Variants in TCF7L2 observed in about 807,000 individuals in gnomAD.
The protein encoded by TCF7L2 is transcription factor 7-like 2.
TCF7L2 carries 23 observed loss-of-function variants against 77.9 expected under a neutral mutation model. That is an observed-to-expected ratio of 0.30 (90% CI 0.21 to 0.42). TCF7L2 has a LOEUF of 0.42. Ranked by LOEUF, TCF7L2 falls within the 10% of genes least tolerant of loss-of-function variation. TCF7L2 has a pLI of 1.00. For synonymous variants in TCF7L2, 413 were observed against 340.2 expected (o/e 1.21, Z -2.36); for missense variants, 654 against 793.1 (o/e 0.82, Z 2.11).
chr10:113,155,838 T>TC (rs915262156), intron 11 of TCF7L2, among the ~76,000 whole-genome samples: 2 of 152,136 alleles, frequency 1.3e-5, no homozygotes, highest in Non-Finnish European at 2.9e-5. Context: ...ATGGAGATGG[T>TC]CCATTGCAGG....
intron 8 of TCF7L2, among the ~76,000 whole-genome samples, chr10:113,148,983 G>A (rs2070133917): frequency 6.6e-6 from 1 of 152,174 alleles, no homozygotes; most frequent in Non-Finnish European, 1.5e-5. Context: ...CACACATGCA[G>A]TGTTTTTCTC....
At position 113,068,024 on chromosome 10, in the gene TCF7L2, G is replaced by A. The variant is rs534658655; in HGVS notation, c.552+27898G>A. Among the ~76,000 whole-genome samples the A allele has an allele frequency of 2.6e-5, 4 of 152,182 alleles. No individual in the cohort carries two copies. The South Asian group carries it at 8.3e-4, about 32-fold the overall frequency. On this transcript the variant is annotated intron_variant, in intron 5 of 13. Transcript: ENST00000627217. The stretch of plus-strand genomic sequence containing the variant: ...TTTACCTGGGTGCGAGTCTTCTTCC[G>A]TGACACTTAATATAACTTTATGGAC...
intron 5 of TCF7L2, among the ~76,000 whole-genome samples, chr10:113,135,875 G>A (rs1316040639): frequency 6.6e-6 from 1 of 152,174 alleles, no homozygotes; most frequent in Non-Finnish European, 1.5e-5. Flanking sequence ...GTGATTGGTA[G>A]GTGGGAGTTT....
chr10:112,999,129 G>C (rs143511625), intron 4 of TCF7L2, among the ~76,000 whole-genome samples: 20 of 152,244 alleles, frequency 1.3e-4, no homozygotes, highest in African/African-American at 3.4e-4. Context: ...TGATCCTCCT[G>C]CCTCAGCCTC....
intron 5 of TCF7L2, among the ~76,000 whole-genome samples, chr10:113,115,641 T>C (rs1360936920): frequency 6.6e-6 from 1 of 152,164 alleles, no homozygotes; most frequent in African/African-American, 2.4e-5. Context: ...GCTGTTGAAA[T>C]GGAAGGCTGA....
intron 5 of TCF7L2, among the ~76,000 whole-genome samples, chr10:113,076,407 G>A (rs1189667497): frequency 2.6e-5 from 4 of 152,086 alleles, no homozygotes. Context: ...CAAAGTGCTG[G>A]GATTACATGC....
intron 5 of TCF7L2, chr10:113,089,680 C>G: frequency 8.7e-7 from 1 of 1,152,368 alleles, no homozygotes; most frequent in Non-Finnish European, 1.2e-6. Flanking sequence ...ATTTTGGGTG[C>G]CATGATGTCT....
chr10:113,152,524 T>C, intron 11 of TCF7L2, 84 bp downstream of exon 11: 1 of 1,178,508 alleles, frequency 8.5e-7, no homozygotes, highest in Non-Finnish European at 1.2e-6. Context: ...GACCTGCCAC[T>C]TGACTAGGGT....
chr10:113,051,460 T>TA (rs1275618949), intron 5 of TCF7L2, among the ~76,000 whole-genome samples: 3 of 152,220 alleles, frequency 2.0e-5, no homozygotes, highest in African/African-American at 7.2e-5. Flanking sequence ...ATGTTTATAA[T>TA]AAAAAATGAC....
At chr10:112,980,604 C>T (rs1302965232) in intron 4 of TCF7L2, among the ~76,000 whole-genome samples, 2 of 151,860 alleles carry the variant, frequency 1.3e-5, no homozygotes, top group African/African-American at 4.8e-5. Flanking sequence ...AGTTTTTATT[C>T]TGGAATCCAG....
chr10:113,046,419 T>C (rs2053470838), intron 5 of TCF7L2, among the ~76,000 whole-genome samples: 1 of 152,166 alleles, frequency 6.6e-6, no homozygotes, highest in East Asian at 1.9e-4. Context: ...TGGTAGACTG[T>C]TTCTTTTTGG....
At chr10:113,026,846 C>T (rs1211228727) in intron 4 of TCF7L2, among the ~76,000 whole-genome samples, 2 of 152,156 alleles carry the variant, frequency 1.3e-5, no homozygotes, top group African/African-American at 4.8e-5. Context: ...CTATTAATAG[C>T]GCAGACCTTT....
chr10:113,108,116 C>T (rs1258936883), intron 5 of TCF7L2, among the ~76,000 whole-genome samples: 2 of 152,282 alleles, frequency 1.3e-5, no homozygotes, highest in South Asian at 2.1e-4. Context: ...CTTGGCTCTT[C>T]TTAGGGGACA....
chr10:112,961,697 C>G (rs2035274701), intron 3 of TCF7L2, among the ~76,000 whole-genome samples: 1 of 152,166 alleles, frequency 6.6e-6, no homozygotes, highest in South Asian at 2.1e-4. Flanking sequence ...TTGGAAATCT[C>G]TCCAGCGCAA....
At chr10:113,066,423 G>T (rs1297187438) in intron 5 of TCF7L2, among the ~76,000 whole-genome samples, 1 of 151,978 alleles carries the variant, frequency 6.6e-6, no homozygotes, top group Admixed American at 6.5e-5. Context: ...GAGAAAAAGA[G>T]CACGGCTCTC....
intron 5 of TCF7L2, among the ~76,000 whole-genome samples, chr10:113,042,533 T>C (rs1042592104): frequency 6.6e-6 from 1 of 152,168 alleles, no homozygotes; most frequent in Non-Finnish European, 1.5e-5. Context: ...ATGCTTGTCA[T>C]GAATGGTGAC....
chr10:112,979,782 AT>A (rs879719834), intron 4 of TCF7L2, among the ~76,000 whole-genome samples: 13 of 150,542 alleles, frequency 8.6e-5, no homozygotes, highest in East Asian at 2.0e-4. Context: ...AATAAAAAAA[AT>A]AAACGAAGAC....
intron 4 of TCF7L2, among the ~76,000 whole-genome samples, chr10:112,993,500 T>C (rs61875120): frequency 0.17 from 25,673 of 151,924 alleles, 2,669 homozygotes; most frequent in Middle Eastern, 0.33. Context: ...AGTGAGACTC[T>C]GTCTCAAAAA....
chr10:113,090,671 C>A (rs12267393), intron 5 of TCF7L2, among the ~76,000 whole-genome samples: 1 of 152,160 alleles, frequency 6.6e-6, no homozygotes, highest in Non-Finnish European at 1.5e-5. Flanking sequence ...AGTGCAGTGG[C>A]GCAATCTCAG....
Sources: allele counts gnomAD v4.1 joint callset (sites outside exome capture counted in the v4.1 genomes callset), GRCh38; gene constraint gnomAD v4.1.1; transcripts MANE v1.5; gene names NCBI Gene and HGNC (gene_info 2026-07-23, HGNC 2026-07-21).